DPP6: variants seen among roughly 807,000 people sequenced by gnomAD.
DPP6 encodes dipeptidyl peptidase like 6.
DPP6 carries 69 observed loss-of-function variants against 122.6 expected under a neutral mutation model. The observed-to-expected ratio is 0.56, with a 90% CI of 0.46 to 0.69. The LOEUF is 0.69. Among genes scored for constraint, DPP6 ranks in the 30% least tolerant of loss-of-function variants. The pLI is 0.00. For synonymous variants in DPP6, 418 were observed against 433.1 expected, an observed-to-expected ratio of 0.97 and a Z score of 0.43; for missense variants, 928 against 1,116.9, an observed-to-expected ratio of 0.83 and a Z score of 2.41.
At chr7:154,432,641 G>A (rs1818520890) in intron 1 of DPP6, among the ~76,000 whole-genome samples, 1 of 152,202 alleles carries the variant, frequency 6.6e-6, no homozygotes, top group South Asian at 2.1e-4. Flanking sequence ...TAATGCATTG[G>A]GTTTGGTTAT....
At chr7:153,987,310 G>T (rs867608382) in intron 1 of DPP6, among the ~76,000 whole-genome samples, 1 of 152,312 alleles carries the variant, frequency 6.6e-6, no homozygotes, top group Middle Eastern at 3.4e-3. Flanking sequence ...CATGCCTGGG[G>T]CTTCAATGCA....
chr7:154,327,178 G>T (rs973270671), intron 1 of DPP6, among the ~76,000 whole-genome samples: 4 of 152,156 alleles, frequency 2.6e-5, no homozygotes, highest in African/African-American at 9.7e-5. Flanking sequence ...AGTGGAGAAT[G>T]AAGAGTAAAG....
intron 18 of DPP6, among the ~76,000 whole-genome samples, chr7:154,870,987 G>A (rs1489962786): frequency 4.4e-5 from 6 of 134,998 alleles, no homozygotes; most frequent in Non-Finnish European, 7.8e-5. Flanking sequence ...AAAAAAAAAT[G>A]TGTGTGTTAT....
intron 7 of DPP6, among the ~76,000 whole-genome samples, chr7:154,683,685 C>T (rs1839423443): frequency 6.6e-6 from 1 of 152,106 alleles, no homozygotes; most frequent in Non-Finnish European, 1.5e-5. Context: ...GAACCCAAAC[C>T]CCTTCACATG....
intron 7 of DPP6, among the ~76,000 whole-genome samples, chr7:154,686,453 T>A (rs187378324): frequency 2.0e-5 from 3 of 151,818 alleles, no homozygotes; most frequent in Non-Finnish European, 4.4e-5. Context: ...GCTGGATGTC[T>A]CCCGATACAG....
At chr7:153,794,490 C>T in the DPP6 span, among the ~76,000 whole-genome samples, 1 of 152,140 alleles carries the variant, frequency 6.6e-6, no homozygotes, top group Non-Finnish European at 1.5e-5. Flanking sequence ...TCCATTGTAT[C>T]TAGGAAGTTA....
intron 1 of DPP6, among the ~76,000 whole-genome samples, chr7:154,176,558 A>T (rs150547998): frequency 1.4e-4 from 21 of 152,342 alleles, no homozygotes; most frequent in African/African-American, 5.1e-4. Context: ...TTTTCACTAT[A>T]TGTGTCTGCG....
chr7:154,574,106 G>A (rs964498425), intron 5 of DPP6, among the ~76,000 whole-genome samples: 2 of 152,192 alleles, frequency 1.3e-5, no homozygotes, highest in South Asian at 4.1e-4. Flanking sequence ...AAAAGCACAA[G>A]CTTAGGCATA....
intron 5 of DPP6, among the ~76,000 whole-genome samples, chr7:154,609,251 T>C (rs944796862): frequency 6.6e-6 from 1 of 152,266 alleles, no homozygotes; most frequent in Non-Finnish European, 1.5e-5. Context: ...TAAAACAGCA[T>C]GTTGCAGGAA....
intron 1 of DPP6, among the ~76,000 whole-genome samples, chr7:154,288,737 A>G (rs1342405028): frequency 2.6e-5 from 4 of 152,336 alleles, no homozygotes; most frequent in East Asian, 3.9e-4. Flanking sequence ...AGCACCTACT[A>G]TAAATAATCA....
intron 1 of DPP6, among the ~76,000 whole-genome samples, chr7:154,276,181 A>T (rs1010786885): frequency 3.3e-5 from 5 of 152,334 alleles, no homozygotes; most frequent in African/African-American, 1.2e-4. Flanking sequence ...TATCTTACAA[A>T]TACCTGTTAA....
intron 6 of DPP6, among the ~76,000 whole-genome samples, chr7:154,645,424 C>T (rs746943046): frequency 9.9e-5 from 15 of 152,078 alleles, no homozygotes; most frequent in Admixed American, 2.0e-4. Flanking sequence ...GCCTGTAAGA[C>T]TTGGTCTCAG....
At chr7:154,679,002 A>G (rs1839115487) in intron 7 of DPP6, among the ~76,000 whole-genome samples, 2 of 145,654 alleles carry the variant, frequency 1.4e-5, no homozygotes, top group Admixed American at 6.9e-5. Context: ...TCGTCTGAGA[A>G]TGAGAAGGAA....
In DPP6 at chr7:154,031,892, C is replaced by T. The variant is rs185540036; in HGVS notation, c.51+144158C>T. Among the ~76,000 whole-genome samples the T allele has an allele frequency of 2.6e-4, 36 of 140,834 alleles. No homozygotes were observed. The East Asian group carries it at 5.1e-3, about 20-fold the overall frequency. 92.4% of individuals were successfully genotyped at this position (140,834 alleles called of 152,430 possible). A position where few individuals can be genotyped will look rare whatever the true frequency, so the allele number is the denominator to read the frequency against. ...TTTTTTTTTTTGGGGGACGGGGTCT[C>T]GCTCTGTCACCCAGGCTGGAGCGCA... On this transcript the variant is annotated intron_variant, in intron 1 of 25. Transcript: ENST00000404039.
At chr7:153,956,008 G>A (rs74390741) in intron 1 of DPP6, among the ~76,000 whole-genome samples, 6 of 152,206 alleles carry the variant, frequency 3.9e-5, no homozygotes, top group East Asian at 1.9e-4. Context: ...ATAAAGGTGC[G>A]TGAGAAGCAG....
intron 7 of DPP6, among the ~76,000 whole-genome samples, chr7:154,673,759 G>T (rs1838714966): frequency 6.6e-6 from 1 of 152,224 alleles, no homozygotes; most frequent in Non-Finnish European, 1.5e-5. Flanking sequence ...GGAGTGGTCA[G>T]TCGGGAAACA....
intron 6 of DPP6, among the ~76,000 whole-genome samples, chr7:154,642,938 C>A (rs1337132792): frequency 3.9e-5 from 6 of 152,120 alleles, no homozygotes; most frequent in African/African-American, 9.7e-5. Flanking sequence ...ATGCAAAACA[C>A]CCAGCAAAGA....
chr7:154,715,130 G>A (rs540579704), intron 7 of DPP6, among the ~76,000 whole-genome samples: 5 of 152,046 alleles, frequency 3.3e-5, no homozygotes, highest in Admixed American at 1.3e-4. Flanking sequence ...GCCATGGCAC[G>A]GTCTCAACTC....
intron 1 of DPP6, among the ~76,000 whole-genome samples, chr7:154,294,847 G>A (rs1805433501): frequency 6.6e-6 from 1 of 152,178 alleles, no homozygotes; most frequent in African/African-American, 2.4e-5. Flanking sequence ...CAATCTGTGG[G>A]CTTGTTCCAC....
Sources: gnomAD v4.1 joint callset for allele counts (sites outside exome capture counted in the v4.1 genomes callset) on GRCh38, gnomAD v4.1.1 for gene constraint, MANE v1.5 for transcripts, NCBI Gene and HGNC (gene_info 2026-07-23, HGNC 2026-07-21) for gene names.